MOBP: variants seen among roughly 807,000 people sequenced by gnomAD.
MOBP encodes myelin-associated oligodendrocyte basic protein.
MOBP carries 5 observed loss-of-function variants against 15.0 expected under a neutral mutation model. That is an observed-to-expected ratio of 0.33 (90% CI 0.17 to 0.70). The LOEUF (loss-of-function observed/expected upper bound fraction) is 0.70. Among genes scored for constraint, MOBP ranks in the 30% least tolerant of loss-of-function variants. The pLI, the probability that MOBP is intolerant of heterozygous loss-of-function variation, is 0.67. For missense variants in MOBP, 188 were observed against 257.8 expected (o/e 0.73, Z 1.85); for synonymous variants, 88 against 99.0 (o/e 0.89, Z 0.66).
At chr3:39,474,203 A>T (rs2042510955) in intron 1 of MOBP, among the ~76,000 whole-genome samples, 2 of 152,374 alleles carry the variant, frequency 1.3e-5, no homozygotes, top group South Asian at 4.1e-4. Context: ...TTGTAATAAA[A>T]ACATATAAAT....
chr3:39,481,520 C>T (rs2042627832), intron 2 of MOBP, among the ~76,000 whole-genome samples: 2 of 152,136 alleles, frequency 1.3e-5, no homozygotes, highest in African/African-American at 4.8e-5. Context: ...CCTATTAGCA[C>T]TTATGCATAG....
downstream of MOBP, chr3:39,525,473 G>C (rs183022992): frequency 3.3e-5 from 5 of 152,378 alleles, no homozygotes. Context: ...ACAGTACTAG[G>C]GTAGAGGGGA....
chr3:39,499,398 C>G (rs1232819955), intron 2 of MOBP: 2 of 152,326 alleles, frequency 1.3e-5, no homozygotes, highest in African/African-American at 4.8e-5. Context: ...GAAAATTCAG[C>G]AATTTCTCTC....
At chr3:39,478,268 A>G (rs142701776) in intron 1 of MOBP, among the ~76,000 whole-genome samples, 1 of 152,206 alleles carries the variant, frequency 6.6e-6, no homozygotes. Context: ...GATATGTTTC[A>G]ATATGCAAAT....
rs1358938435 is a variant in MOBP at position 39,469,052 on chromosome 3, G to GTA, written c.-89+1313_-89+1314insAT. Among the ~76,000 whole-genome samples, 4 of 73,810 alleles carry GTA rather than the reference G, an allele frequency of 5.4e-5. No homozygotes were observed. In the South Asian group the frequency reaches 1.6e-3, roughly 29 times the overall value. The allele number at this position is 73,810 out of a possible 152,430, so 48.4% of individuals were successfully genotyped here. A position where few individuals can be genotyped will look rare whatever the true frequency, so the allele number is the denominator to read the frequency against. ...TATATATACATATATACATATGTGT[G>GTA]TGTATATACATATATACATATGTGT... On this transcript the variant is annotated intron_variant, in intron 1 of 3. Transcript: ENST00000684792.
downstream of MOBP, among the ~76,000 whole-genome samples, chr3:39,504,594 T>C (rs981743739): frequency 1.3e-5 from 2 of 152,266 alleles, no homozygotes; most frequent in African/African-American, 2.4e-5. Context: ...ACAGAGGATC[T>C]GAAAGTCTTC....
downstream of MOBP, among the ~76,000 whole-genome samples, chr3:39,520,554 GTGTA>G (rs1271261169): frequency 7.7e-4 from 106 of 136,954 alleles, 1 homozygote; most frequent in Admixed American, 2.1e-3. Flanking sequence ...GTGTGTGTGT[GTGTA>G]TGTGTGTGTG....
At chr3:39,521,153 T>C (rs192173077) in intron 3 of MOBP, among the ~76,000 whole-genome samples, 2 of 152,268 alleles carry the variant, frequency 1.3e-5, no homozygotes, top group Admixed American at 1.3e-4. Context: ...ATTCACCATG[T>C]TAGCCAGGTT....
chr3:39,520,877 GA>G (rs921840687), downstream of MOBP, among the ~76,000 whole-genome samples: 18 of 151,700 alleles, frequency 1.2e-4, no homozygotes, highest in African/African-American at 4.1e-4. Context: ...CTGTGAAAAT[GA>G]AAAAACTTTA....
chr3:39,505,469 T>C (rs2043035566), downstream of MOBP, among the ~76,000 whole-genome samples: 1 of 152,226 alleles, frequency 6.6e-6, no homozygotes, highest in Admixed American at 6.5e-5. Context: ...GGTTGCATTA[T>C]TGCTTTTATT....
intron 2 of MOBP, among the ~76,000 whole-genome samples, chr3:39,494,888 G>A (rs1389522438): frequency 7.0e-6 from 1 of 143,078 alleles, no homozygotes; most frequent in Non-Finnish European, 1.5e-5. Context: ...AGTGGTTTAT[G>A]CAAGGTGGAA....
intron 3 of MOBP, chr3:39,524,133 GA>G (rs1450591114): frequency 6.6e-6 from 1 of 152,214 alleles, no homozygotes; most frequent in Non-Finnish European, 1.5e-5. Flanking sequence ...CATTTGTGAA[GA>G]AAGGAGGGAG....
intron 1 of MOBP, among the ~76,000 whole-genome samples, chr3:39,472,119 T>C (rs11706953): frequency 0.13 from 19,854 of 152,276 alleles, 1,460 homozygotes; most frequent in Middle Eastern, 0.2. Context: ...TGGAAGTGGC[T>C]GGCAGTTTTA....
downstream of MOBP, among the ~76,000 whole-genome samples, chr3:39,503,657 T>TA (rs1177147536): frequency 8.4e-5 from 6 of 71,200 alleles, no homozygotes; most frequent in African/African-American, 2.6e-4. Flanking sequence ...CCTGGCCAAT[T>TA]TTTTATTTAT....
At chr3:39,496,901 G>A (rs1457835540) in intron 2 of MOBP, among the ~76,000 whole-genome samples, 1 of 151,778 alleles carries the variant, frequency 6.6e-6, no homozygotes. Context: ...AACCTTGGGT[G>A]ATTCGCCTGC....
intron 1 of MOBP, among the ~76,000 whole-genome samples, chr3:39,469,022 G>T (rs1399722031): frequency 1.4e-5 from 1 of 73,140 alleles, no homozygotes; most frequent in Non-Finnish European, 2.4e-5. Context: ...ATACATATGT[G>T]TGTATATATA....
intron 4 of MOBP, among the ~76,000 whole-genome samples, chr3:39,511,024 G>GTACT (rs2043113048): frequency 6.6e-6 from 1 of 152,134 alleles, no homozygotes; most frequent in Non-Finnish European, 1.5e-5. Context: ...ATTGACTGAT[G>GTACT]TACTGTATCA....
downstream of MOBP, among the ~76,000 whole-genome samples, chr3:39,520,157 A>G (rs902432824): frequency 7.2e-5 from 11 of 152,132 alleles, no homozygotes; most frequent in African/African-American, 2.7e-4. Flanking sequence ...TGACTTATGC[A>G]GTTTCCCACC....
downstream of MOBP, chr3:39,525,628 G>A (rs1490511968): frequency 6.6e-6 from 1 of 152,300 alleles, no homozygotes; most frequent in African/African-American, 2.4e-5. Flanking sequence ...CCAAGTTTAA[G>A]AGGCAAGTAA....
Sources: allele counts gnomAD v4.1 joint callset (sites outside exome capture counted in the v4.1 genomes callset), GRCh38; gene constraint gnomAD v4.1.1; transcripts MANE v1.5; gene names NCBI Gene and HGNC (gene_info 2026-07-23, HGNC 2026-07-21).